Variants in CRACR2A observed in about 807,000 individuals in gnomAD.
CRACR2A encodes the protein EF-hand calcium-binding domain-containing protein 4B.
CRACR2A carries 79 observed loss-of-function variants against 90.5 expected under a neutral mutation model. The ratio of observed to expected loss-of-function variants is 0.87; its 90% CI spans 0.73 to 1.05. The LOEUF (loss-of-function observed/expected upper bound fraction) is 1.05, where lower values mean the gene tolerates loss of function less well. CRACR2A is among the 50% of genes least tolerant of loss of function. CRACR2A has a pLI of 0.00. For missense variants in CRACR2A, 823 were observed against 897.2 expected, an observed-to-expected ratio of 0.92 and a Z score of 1.06; for synonymous variants, 338 against 356.7, an observed-to-expected ratio of 0.95 and a Z score of 0.59.
intron 19 of CRACR2A, 121 bp from the exon 20 acceptor site, chr12:3,615,560 C>T (rs1867663216): frequency 2.8e-6 from 2 of 715,958 alleles, no homozygotes; most frequent in East Asian, 5.4e-5. Flanking sequence ...AACCCACCCT[C>T]ACCACGGCAT....
Position 3,693,536 on chromosome 12 carries a change from C to A in CRACR2A, c.228+3236G>T, listed in dbSNP as rs746482663. On this transcript the variant is annotated intron_variant, in intron 4 of 19. Coordinates refer to ENST00000440314, the MANE Select transcript of CRACR2A (RefSeq NM_001144958.2). ...AACAAATTCCCTCAGCATTTGCTTG[C>A]CTAAAAAGGATCTTATTTCTCCGCT... 1.9e-4 allele frequency among the ~76,000 whole-genome samples: 29 copies of A among 152,132 alleles called. 1 individual carries two copies. The highest frequency in any genetic ancestry group is 4.4e-5 in the Non-Finnish European group (3 of 68,026).
intron 2 of CRACR2A, among the ~76,000 whole-genome samples, chr12:3,718,434 G>A (rs1179766384): frequency 1.3e-5 from 2 of 152,164 alleles, no homozygotes; most frequent in Non-Finnish European, 2.9e-5. Context: ...ATGCCTTGGG[G>A]GGATGGCAGA....
intron 7 of CRACR2A, among the ~76,000 whole-genome samples, chr12:3,665,624 T>C (rs976124437): frequency 9.9e-5 from 15 of 152,208 alleles, no homozygotes; most frequent in Non-Finnish European, 1.8e-4. Flanking sequence ...GCCACTGCTC[T>C]ATAGCTCCTT....
intron 14 of CRACR2A, among the ~76,000 whole-genome samples, chr12:3,634,808 C>T (rs547785770): frequency 6.6e-6 from 1 of 152,072 alleles, no homozygotes; most frequent in Non-Finnish European, 1.5e-5. Flanking sequence ...CAATTCCATG[C>T]AGTATTTAGG....
intron 7 of CRACR2A, among the ~76,000 whole-genome samples, chr12:3,661,923 CTATAA>C (rs1189736521): frequency 2.0e-5 from 3 of 152,192 alleles, no homozygotes; most frequent in Non-Finnish European, 2.9e-5. Flanking sequence ...GGCATTAATT[CTATAA>C]TATAATTAAA....
chr12:3,666,372 C>T (rs373366171), intron 7 of CRACR2A, among the ~76,000 whole-genome samples: 162 of 102,546 alleles, frequency 1.6e-3, no homozygotes, highest in African/African-American at 5.1e-3. Context: ...TGTGCGCGTG[C>T]GCGCGCACGC....
rs767901946 is a variant in CRACR2A, at chr12:3,660,758, C to T, written c.672-1104G>A. Among the ~76,000 whole-genome samples, 12 of 151,866 alleles carry T rather than the reference C, an allele frequency of 7.9e-5. No homozygotes were observed. In the East Asian group the frequency reaches 9.7e-4, roughly 12 times the overall value. On this transcript the variant is annotated intron_variant, in intron 7 of 19. Coordinates refer to ENST00000440314, the MANE Select transcript of CRACR2A (RefSeq NM_001144958.2). ...GTGGCCCTTACTCCCTATCCTCTCC[C>T]CATCCTGTTAAGGAAACTTCAGGCT...
At chr12:3,729,179 A>G (rs1946320653) in intron 2 of CRACR2A, 1 of 152,340 alleles carries the variant, frequency 6.6e-6, no homozygotes, top group African/African-American at 2.4e-5. Flanking sequence ...TTGAAAGAGC[A>G]AAAGGGCAGG....
At chr12:3,752,363 C>CAA (rs1946721799) in intron 1 of CRACR2A, among the ~76,000 whole-genome samples, 1 of 78,918 alleles carries the variant, frequency 1.3e-5, no homozygotes, top group East Asian at 2.5e-4. Context: ...CACGGACACA[C>CAA]ACACACAGAC....
intron 14 of CRACR2A, among the ~76,000 whole-genome samples, chr12:3,637,303 T>C (rs1944471921): frequency 6.6e-6 from 1 of 152,220 alleles, no homozygotes. Flanking sequence ...TTTAAAAGTG[T>C]AGGAAATTGT....
chr12:3,668,560 T>G (rs955376949), intron 7 of CRACR2A, among the ~76,000 whole-genome samples: 28 of 152,196 alleles, frequency 1.8e-4, no homozygotes, highest in African/African-American at 6.3e-4. Flanking sequence ...CTGCCAGGAA[T>G]ATGAGGCTTT....
intron 10 of CRACR2A, among the ~76,000 whole-genome samples, chr12:3,653,004 G>A (rs891702608): frequency 3.3e-5 from 5 of 151,266 alleles, no homozygotes; most frequent in African/African-American, 7.3e-5. Context: ...TTTTTGAGAC[G>A]GGGAGTCTCA....
At position 3,745,316 on chromosome 12, in the gene CRACR2A, C is replaced by A. The variant is rs555089831; in HGVS notation, c.-387+7699G>T. ...TATCTCCCCAATGGCAATTTCTGAC[C>A]GTGATTCAGATGACACTACCCACAG... On this transcript the variant is annotated intron_variant, in intron 1 of 19. Coordinates refer to ENST00000440314, the MANE Select transcript of CRACR2A (RefSeq NM_001144958.2). Among the ~76,000 whole-genome samples the A allele has an allele frequency of 2.0e-5, 3 of 152,200 alleles. No homozygotes were observed. In the East Asian group the frequency reaches 5.8e-4, roughly 29 times the overall value.
chr12:3,693,678 C>T (rs1328072226), intron 4 of CRACR2A, among the ~76,000 whole-genome samples: 1 of 152,176 alleles, frequency 6.6e-6, no homozygotes, highest in Non-Finnish European at 1.5e-5. Flanking sequence ...GAGAAGTCTG[C>T]TGTTAGTCTG....
At chr12:3,655,886 A>G (rs1944894961) in intron 9 of CRACR2A, among the ~76,000 whole-genome samples, 1 of 152,242 alleles carries the variant, frequency 6.6e-6, no homozygotes, top group Admixed American at 6.5e-5. Flanking sequence ...AACCTGTTCC[A>G]GCAGAGGTAT....
chr12:3,721,044 G>A (rs1428781473), intron 2 of CRACR2A, among the ~76,000 whole-genome samples: 4 of 152,170 alleles, frequency 2.6e-5, no homozygotes, highest in African/African-American at 9.7e-5. Flanking sequence ...CAGAGTGGTT[G>A]ACTGGCCAGC....
At chr12:3,679,224 C>G in intron 5 of CRACR2A, 126 bp from the exon 6 acceptor site, 1 of 957,844 alleles carries the variant, frequency 1.0e-6, no homozygotes. Context: ...AAAGCCCCTC[C>G]AGCAAAGATC....
chr12:3,751,632 A>G (rs570198133), intron 1 of CRACR2A, among the ~76,000 whole-genome samples: 322 of 152,288 alleles, frequency 2.1e-3, no homozygotes, highest in African/African-American at 3.6e-3. Flanking sequence ...CAAGATGCCC[A>G]GACCCAGCCT....
chr12:3,703,448 C>T (rs976903912), intron 3 of CRACR2A, among the ~76,000 whole-genome samples: 2 of 152,120 alleles, frequency 1.3e-5, no homozygotes, highest in Admixed American at 6.5e-5. Context: ...GTATCATGGA[C>T]CTAAATGTAA....
Sources: gnomAD v4.1 joint callset for allele counts (sites outside exome capture counted in the v4.1 genomes callset) on GRCh38, gnomAD v4.1.1 for gene constraint, MANE v1.5 for transcripts, NCBI Gene and HGNC (gene_info 2026-07-23, HGNC 2026-07-21) for gene names.